NUP98: variants seen among roughly 807,000 people sequenced by gnomAD.
NUP98 encodes nuclear pore complex protein Nup98-Nup96.
Under a neutral mutation model 191.9 loss-of-function variants are expected in NUP98, and 26 were observed. The observed-to-expected ratio is 0.14, with a 90% confidence interval of 0.10 to 0.19. The LOEUF (loss-of-function observed/expected upper bound fraction) is 0.19. Among genes scored for constraint, NUP98 ranks in the 10% least tolerant of loss-of-function variants. The pLI, the probability that NUP98 is intolerant of heterozygous loss-of-function variation, is 1.00. For synonymous variants in NUP98, 808 were observed against 778.4 expected (o/e 1.04, Z -0.63); for missense variants, 1,941 against 2,178.8 (o/e 0.89, Z 2.17).
chr11:3,684,119 GGA>G (rs2078065090), intron 29 of NUP98, among the ~76,000 whole-genome samples: 1 of 152,078 alleles, frequency 6.6e-6, no homozygotes, highest in Admixed American at 6.6e-5. Context: ...AGCTGAGGCA[GGA>G]GAATTGCTTG....
intron 6 of NUP98, among the ~76,000 whole-genome samples, chr11:3,772,292 T>C (rs2081555694): frequency 6.6e-6 from 1 of 152,180 alleles, no homozygotes; most frequent in Admixed American, 6.5e-5. Context: ...GTAGATTCTG[T>C]GGGGCAAAAA....
At position 3,723,244 on chromosome 11, in the gene NUP98, T is replaced by C; in HGVS notation, c.2059A>G (p.Ser687Gly). The change falls in exon 16 of 33, where the codon AGC (serine) becomes GGC (glycine). Residue 687 changes from serine (S) to glycine (G), a missense_variant. By Grantham distance (56) the Ser-to-Gly change is moderately conservative. Coordinates refer to ENST00000324932, the MANE Select transcript of NUP98 (RefSeq NM_016320.5). ...RAALRNGLEGSSEETSFHDES... is the reference protein window; with the variant it reads ...RAALRNGLEGGSEETSFHDES... The stretch of plus-strand genomic sequence containing the variant: ...TCATGAAAAGACGTTTCTTCACTGC[T>C]TCCTTCCAGCCCATTTCGCAAAGCA... 1 of 1,614,204 alleles carries C rather than the reference T, an allele frequency of 6.2e-7. No individual in the cohort carries two copies. Among genetic ancestry groups the C allele is most frequent in the Non-Finnish European group, 8.5e-7 (1 of 1,180,036 alleles).
chr11:3,771,846 C>A lies in NUP98; in HGVS notation c.686G>T (p.Gly229Val), dbSNP rs755554728. The A allele has an allele frequency of 6.2e-7, 1 of 1,614,038 alleles. No individual in the cohort carries two copies. The highest frequency in any genetic ancestry group is 1.1e-5 in the South Asian group (1 of 91,078). The change falls in exon 7 of 33, where the codon GGG (glycine) becomes GTG (valine). Residue 229 changes from glycine to valine, a missense_variant. By Grantham distance (109) the Gly-to-Val change is moderately radical. Around this residue, in one of 6 missense-constraint regions of NUP98, gnomAD observed 181 missense variants for 228.0 expected, o/e 0.79. Coordinates refer to ENST00000324932, the MANE Select transcript of NUP98 (RefSeq NM_016320.5). ...TGCGCTGGAAGTGGCTGGAGAAGAC[C>A]CAAACAAGCCAGTTGTGGTACCTGC... ...VGAGTTTGLFGSSPATSSATG... is the reference protein window; with the variant it reads ...VGAGTTTGLFVSSPATSSATG...
At chr11:3,753,276 G>A in intron 11 of NUP98, 40 bp downstream of exon 11, 1 of 1,451,594 alleles carries the variant, frequency 6.9e-7, no homozygotes, top group Non-Finnish European at 9.7e-7. Flanking sequence ...AGAAAGTCAA[G>A]CTGTGTCACT....
chr11:3,677,605 A>G (rs1053152705), intron 31 of NUP98, among the ~76,000 whole-genome samples: 2 of 152,028 alleles, frequency 1.3e-5, no homozygotes, highest in African/African-American at 4.8e-5. Flanking sequence ...TTGCTGCTTT[A>G]CTTGTATGTA....
chr11:3,787,965 C>T (rs2082198708), intron 1 of NUP98, among the ~76,000 whole-genome samples: 1 of 152,188 alleles, frequency 6.6e-6, no homozygotes, highest in Admixed American at 6.5e-5. Flanking sequence ...GCACTCCAGC[C>T]TGGCGACGGA....
chr11:3,702,280 G>GACACACACACACAC (rs537147629), intron 23 of NUP98, among the ~76,000 whole-genome samples, 183 bp downstream of exon 23: 7 of 108,474 alleles, frequency 6.5e-5, no homozygotes, highest in Non-Finnish European at 9.1e-5. Flanking sequence ...GCAAAACTGA[G>GACACACACACACAC]ACACACACAC....
At chr11:3,718,155 T>G (rs2079254393) in intron 18 of NUP98, among the ~76,000 whole-genome samples, 1 of 152,228 alleles carries the variant, frequency 6.6e-6, no homozygotes, top group Non-Finnish European at 1.5e-5. Context: ...TGTTATTTCT[T>G]TAAACGCTTA....
intron 11 of NUP98, among the ~76,000 whole-genome samples, chr11:3,751,820 A>G (rs949302977): frequency 4.0e-5 from 6 of 151,212 alleles, no homozygotes; most frequent in African/African-American, 1.5e-4. Context: ...GATCATGCCA[A>G]TGCACTCCAC....
intron 13 of NUP98, among the ~76,000 whole-genome samples, chr11:3,732,008 T>A (rs1338639214): frequency 6.6e-6 from 1 of 152,238 alleles, no homozygotes; most frequent in Non-Finnish European, 1.5e-5. Context: ...GTCTTTATTG[T>A]TCTAGAACTG....
At chr11:3,689,091 G>A (rs759437073) in intron 28 of NUP98, among the ~76,000 whole-genome samples, 11 of 151,802 alleles carry the variant, frequency 7.2e-5, no homozygotes, top group Non-Finnish European at 1.6e-4. Context: ...AATTAGCTGA[G>A]TATGGTGGTG....
At chr11:3,791,774 C>A (rs527787737) in intron 1 of NUP98, among the ~76,000 whole-genome samples, 1 of 147,264 alleles carries the variant, frequency 6.8e-6, no homozygotes, top group Admixed American at 6.8e-5. Context: ...ACCCAGGAGG[C>A]GAGGTTACAG....
rs374303540 is a variant in NUP98, at chr11:3,688,866, T to C, written c.4454+2481A>G. ...ATTTATAAGAAATCACCTTGAAGAT[T>C]TGAAATGAGATGAGCTATTTGTGTG... On this transcript the variant is annotated intron_variant, in intron 28 of 32. Transcript: ENST00000324932. Among the ~76,000 whole-genome samples the C allele has an allele frequency of 1.6e-4, 23 of 146,568 alleles. No homozygotes were observed. The East Asian group carries it at 3.5e-3, about 22-fold the overall frequency.
chr11:3,768,650 T>C lies in NUP98; in HGVS notation c.879A>G (p.Thr293=), dbSNP rs777219584. 4.3e-5 allele frequency: 69 copies of C among 1,611,930 alleles called. No homozygotes were observed. The highest frequency in any genetic ancestry group is 5.6e-5 in the Non-Finnish European group (66 of 1,178,776). Residue 293 remains threonine (T), a synonymous_variant, in exon 8 of 33, where the codon ACA becomes ACG. Transcript: ENST00000324932. ...AGGAAAAGCCAGTGTTCTGGGTGGT[T>C]GTAGCCTGGCCAAATGGTTTGCTGA... ...SLFSKPFGQA[T]TTQNTGFSFG... is the part of the protein sequence containing the mutation.
At position 3,778,858 on chromosome 11, in the gene NUP98, T is replaced by C. The variant is rs1394400062; in HGVS notation, c.355+15A>G. ...CAAATTATTAGATGCAGAACTCCAG[T>C]GATGTCCCACTTACTGCCAAAGCCA... On this transcript the variant is annotated intron_variant, in intron 4 of 32. Coordinates refer to ENST00000324932, the MANE Select transcript of NUP98 (RefSeq NM_016320.5). 6.2e-7 allele frequency: 1 copy of C among 1,611,630 alleles called. No homozygotes were observed. Among genetic ancestry groups the C allele is most frequent in the Non-Finnish European group, 8.5e-7 (1 of 1,178,542 alleles).
chr11:3,738,279 T>C (rs1488506251), intron 12 of NUP98, among the ~76,000 whole-genome samples: 1 of 152,186 alleles, frequency 6.6e-6, no homozygotes, highest in African/African-American at 2.4e-5. Context: ...GTTAAGCAAC[T>C]ACTGGTATTA....
rs1349924761 is a variant in NUP98 at position 3,753,419 on chromosome 11, A to G, written c.1175-11T>C. The G allele has an allele frequency of 1.2e-6, 2 of 1,600,166 alleles. No individual in the cohort carries two copies. Among genetic ancestry groups the G allele is most frequent in the Non-Finnish European group, 1.7e-6 (2 of 1,167,638 alleles). ...TATTTGTGCCAAAACCTAGGAAGAC[A>G]AAAGAATGAGTGGATTGTACTTTTA... On this transcript the variant is annotated splice_polypyrimidine_tract_variant and intron_variant, in intron 10 of 32. Coordinates refer to ENST00000324932, the MANE Select transcript of NUP98 (RefSeq NM_016320.5).
At position 3,752,766 on chromosome 11, in the gene NUP98, C is replaced by T. The variant is rs143964889; in HGVS notation, c.1267+550G>A. 1.8e-4 allele frequency among the ~76,000 whole-genome samples: 27 copies of T among 152,260 alleles called. No individual in the cohort carries two copies. The East Asian group carries it at 4.6e-3, about 26-fold the overall frequency. On this transcript the variant is annotated intron_variant, in intron 11 of 32. Transcript: ENST00000324932. ...CTTATATATTTTATGACCATCATCA[C>T]GCTCCAGCTGTTTAAAAACAGCTGG... is the stretch of plus-strand genomic sequence containing the variant.
At chr11:3,730,784 A>T (rs987055409) in intron 14 of NUP98, among the ~76,000 whole-genome samples, 2 of 152,224 alleles carry the variant, frequency 1.3e-5, no homozygotes, top group African/African-American at 4.8e-5. Context: ...CCTGGGTGAC[A>T]GAGTGAGACC....
Sources: gnomAD v4.1 joint callset for allele counts (sites outside exome capture counted in the v4.1 genomes callset) on GRCh38, gnomAD v4.1.1 for gene constraint, gnomAD v4.1.1 regional missense constraint, MANE v1.5 for transcripts, NCBI Gene and HGNC (gene_info 2026-07-23, HGNC 2026-07-21) for gene names.